The following KIFC3 variants were observed in gnomAD, a reference collection of about 807,000 sequenced individuals.
KIFC3 encodes kinesin family member C3.
A neutral mutation model predicts 101.8 loss-of-function variants in KIFC3; 60 were observed. That is an observed-to-expected ratio of 0.59 (90% CI 0.48 to 0.73). The LOEUF is 0.73. Ranked by LOEUF, KIFC3 falls within the 30% of genes least tolerant of loss-of-function variation. KIFC3 has a pLI of 0.00. For missense variants in KIFC3, 966 were observed against 1,137.1 expected, an observed-to-expected ratio of 0.85 and a Z score of 2.16; for synonymous variants, 476 against 482.7, an observed-to-expected ratio of 0.99 and a Z score of 0.18.
intron 1 of KIFC3, among the ~76,000 whole-genome samples, chr16:57,858,304 C>T (rs916185053): frequency 9.2e-5 from 14 of 152,124 alleles, no homozygotes; most frequent in Admixed American, 2.6e-4. Context: ...TCTTCCCGGG[C>T]GCAGAGCACT....
At chr16:57,826,551 C>T (rs1007951938) in intron 1 of KIFC3, among the ~76,000 whole-genome samples, 3 of 152,072 alleles carry the variant, frequency 2.0e-5, no homozygotes, top group Admixed American at 1.3e-4. Context: ...CGTAAAATAC[C>T]AGTTCTTTCT....
intron 3 of KIFC3, among the ~76,000 whole-genome samples, chr16:57,784,164 G>C (rs1403844983): frequency 1.3e-5 from 2 of 152,200 alleles, no homozygotes; most frequent in Non-Finnish European, 2.9e-5. Context: ...CTGTCCACTG[G>C]GGTATCCCCC....
intron 1 of KIFC3, among the ~76,000 whole-genome samples, chr16:57,836,344 C>A (rs1030049447): frequency 1.3e-5 from 2 of 152,112 alleles, no homozygotes; most frequent in African/African-American, 2.4e-5. Context: ...AACTCCTGGG[C>A]TCAAGAGATC....
At chr16:57,764,344 TCAGCAACACCACATCA>T in intron 11 of KIFC3, 97 bp from the exon 12 acceptor site, 1 of 683,830 alleles carries the variant, frequency 1.5e-6, no homozygotes, top group Middle Eastern at 3.9e-4. Flanking sequence ...ATGCTGTCCT[TCAGCAACACCACATCA>T]CGTGTTACTG....
At chr16:57,760,580 G>A (rs1567924830) in intron 16 of KIFC3, 146 bp downstream of exon 16, 9 of 1,076,580 alleles carry the variant, frequency 8.4e-6, no homozygotes, top group Non-Finnish European at 1.1e-5. Flanking sequence ...CAAAGGTGGA[G>A]AGGAGGGACT....
intron 1 of KIFC3, among the ~76,000 whole-genome samples, chr16:57,823,874 G>T (rs895006893): frequency 2.0e-5 from 3 of 151,752 alleles, no homozygotes; most frequent in Non-Finnish European, 4.4e-5. Context: ...TGATCTGCCC[G>T]CCTGGGCCTT....
chr16:57,781,869 C>T, intron 3 of KIFC3: 1 of 942,636 alleles, frequency 1.1e-6, no homozygotes, highest in Non-Finnish European at 1.3e-6. Flanking sequence ...AGTGGTGGAC[C>T]TAGGACCGGA....
At chr16:57,858,301 G>A (rs150465720) in intron 1 of KIFC3, among the ~76,000 whole-genome samples, 8 of 152,062 alleles carry the variant, frequency 5.3e-5, no homozygotes, top group East Asian at 1.9e-4. Flanking sequence ...ATGTCTTCCC[G>A]GGCGCAGAGC....
At chr16:57,770,320 T>C (rs781888325) in intron 7 of KIFC3, among the ~76,000 whole-genome samples, 1 of 152,232 alleles carries the variant, frequency 6.6e-6, no homozygotes, top group Non-Finnish European at 1.5e-5. Flanking sequence ...GAGTCCCCAC[T>C]GTGAGGTGGG....
At chr16:57,759,997 TAAATGAGA>T in intron 17 of KIFC3, 161 bp from the exon 18 acceptor site, 1 of 622,148 alleles carries the variant, frequency 1.6e-6, no homozygotes, top group Non-Finnish European at 2.8e-6. Flanking sequence ...TGGCAAGAAT[TAAATGAGA>T]TAATTCATGT....
chr16:57,841,543 T>C (rs1207408039), intron 1 of KIFC3, among the ~76,000 whole-genome samples: 3 of 152,140 alleles, frequency 2.0e-5, no homozygotes, highest in African/African-American at 7.2e-5. Flanking sequence ...GGCATGTGCC[T>C]GTAAACCCAG....
chr16:57,771,071 A>G (rs2051122529), intron 6 of KIFC3, 127 bp downstream of exon 6: 2 of 1,246,072 alleles, frequency 1.6e-6, no homozygotes, highest in Non-Finnish European at 2.3e-6. Flanking sequence ...CAAGCACAGA[A>G]CTGGAATGAT....
chr16:57,805,745 G>T (rs902261353), upstream of KIFC3, among the ~76,000 whole-genome samples: 1 of 148,950 alleles, frequency 6.7e-6, no homozygotes, highest in Non-Finnish European at 1.5e-5. Flanking sequence ...GCGCAATCTC[G>T]GCTCACTGAA....
chr16:57,782,024 G>A (rs1209445935), intron 3 of KIFC3: 2 of 985,348 alleles, frequency 2.0e-6, no homozygotes, highest in Non-Finnish European at 2.4e-6. Flanking sequence ...AAACAAGGCA[G>A]AGTGTACCCC....
chr16:57,778,397 A>G (rs1286045890), intron 3 of KIFC3, among the ~76,000 whole-genome samples: 1 of 152,248 alleles, frequency 6.6e-6, no homozygotes, highest in Non-Finnish European at 1.5e-5. Context: ...CTTCTTGGAT[A>G]TAACACCAAA....
At chr16:57,840,725 A>G (rs1199637480) in intron 1 of KIFC3, among the ~76,000 whole-genome samples, 2 of 148,966 alleles carry the variant, frequency 1.3e-5, no homozygotes, top group African/African-American at 5.0e-5. Context: ...TCGCCACCGC[A>G]CTCCAGCCTG....
At chr16:57,776,422 T>C in intron 3 of KIFC3, 1 of 985,480 alleles carries the variant, frequency 1.0e-6, no homozygotes, top group South Asian at 4.7e-5. Flanking sequence ...TGGGCAGTAA[T>C]AGCAGCTGAC....
chr16:57,760,174 C>T (rs554860778), intron 17 of KIFC3, 108 bp downstream of exon 17: 214 of 1,338,786 alleles, frequency 1.6e-4, no homozygotes, highest in Middle Eastern at 1.0e-3. Flanking sequence ...CCGGCAGCTT[C>T]CCTGCCCCCA....
At chr16:57,831,845 T>C (rs1555479353) in intron 1 of KIFC3, among the ~76,000 whole-genome samples, 1 of 152,136 alleles carries the variant, frequency 6.6e-6, no homozygotes, top group African/African-American at 2.4e-5. Flanking sequence ...CTGGGAACCC[T>C]GATCAGTTTG....
Sources: gnomAD v4.1 joint callset for allele counts (sites outside exome capture counted in the v4.1 genomes callset) on GRCh38, gnomAD v4.1.1 for gene constraint, MANE v1.5 for transcripts, NCBI Gene and HGNC (gene_info 2026-07-23, HGNC 2026-07-21) for gene names.